The following CCDC183 variants were observed in gnomAD, a reference collection of about 807,000 sequenced individuals.
CCDC183 encodes coiled-coil domain containing 183, also known as coiled-coil domain-containing protein 183.
A neutral mutation model predicts 65.2 loss-of-function variants in CCDC183; 63 were observed. That is an observed-to-expected ratio of 0.97 (90% CI 0.79 to 1.19). The LOEUF is 1.19. CCDC183 is among the 50% of genes most tolerant of loss of function. CCDC183 has a pLI of 0.00. For missense variants in CCDC183, 769 were observed against 689.3 expected, an observed-to-expected ratio of 1.12 and a Z score of -1.30; for synonymous variants, 323 against 276.5, an observed-to-expected ratio of 1.17 and a Z score of -1.67.
rs901956114 is a variant in CCDC183, at chr9:136,806,064, C to T, written c.949-14C>T. The T allele has an allele frequency of 6.5e-7, 1 of 1,547,592 alleles. No homozygotes were observed. Among genetic ancestry groups the T allele is most frequent in the Non-Finnish European group, 8.7e-7 (1 of 1,146,194 alleles). The stretch of plus-strand genomic sequence containing the variant: ...CTGGCCCACACCTGCTTCTCTCTCC[C>T]CCGGACTGGCCAGGACATCACTAGC... On this transcript the variant is annotated splice_polypyrimidine_tract_variant and intron_variant, in intron 9 of 13. Transcript: ENST00000338005.
Position 136,800,463 on chromosome 9 carries a change from G to C in CCDC183, c.513G>C (p.Leu171=). ...KIITSQNIHL[L]YLDLLDYLKT... ...TCACCAGCCAGAACATCCACCTGCTGTATTTGGACCTGCTGGATTATCTGA... is the reference window on the plus strand; with the variant it reads ...TCACCAGCCAGAACATCCACCTGCTCTATTTGGACCTGCTGGATTATCTGA... Residue 171 remains leucine, a synonymous_variant, in exon 5 of 14, where the codon CTG becomes CTC. Coordinates refer to ENST00000338005, the MANE Select transcript of CCDC183 (RefSeq NM_001039374.5). 6.2e-7 allele frequency: 1 copy of C among 1,611,542 alleles called. No homozygotes were observed. The highest frequency in any genetic ancestry group is 1.7e-4 in the Middle Eastern group (1 of 6,058).
At chr9:136,805,214 G>A (rs1847820775) in intron 8 of CCDC183, 143 bp from the exon 9 acceptor site, 7 of 667,980 alleles carry the variant, frequency 1.0e-5, no homozygotes, top group African/African-American at 1.8e-5. Context: ...GCAGGTTGGG[G>A]CGGGGGCAGG....
rs994957261 is a variant in CCDC183, at chr9:136,806,701, C to A, written c.1278+29C>A. ...CCGGGAGTGAGGCTGAGCTGCCACA[C>A]ACCAGGTCCCTGGGCAGGGCCAGAG... On this transcript the variant is annotated intron_variant, in intron 11 of 13. Transcript: ENST00000338005. 2.5e-6 allele frequency: 4 copies of A among 1,613,272 alleles called. No individual in the cohort carries two copies. The South Asian group carries it at 4.4e-5, about 18-fold the overall frequency.
intron 8 of CCDC183, 69 bp from the exon 9 acceptor site, chr9:136,805,288 C>CT: frequency 7.6e-7 from 1 of 1,322,424 alleles, no homozygotes; most frequent in Non-Finnish European, 1.1e-6. Context: ...ACAGAGGTGT[C>CT]TGACAGCCTT....
At position 136,806,839 on chromosome 9, in the gene CCDC183, G is replaced by C; in HGVS notation, c.1361G>C (p.Arg454Thr). Residue 454 changes from arginine (R) to threonine (T), a missense_variant, in exon 12 of 14, where the codon AGA becomes ACA. Coordinates refer to ENST00000338005, the MANE Select transcript of CCDC183 (RefSeq NM_001039374.5). ...GGGAAGCTCACGTACCTGGCTGACA[G>C]AGTGCAGATGGTGTCCAGGACCGAG... is the stretch of plus-strand genomic sequence containing the variant. ...CEGKLTYLAD[R>T]VQMVSRTEEG... 1.2e-6 allele frequency: 2 copies of C among 1,613,602 alleles called. No individual in the cohort carries two copies. Among genetic ancestry groups the C allele is most frequent in the East Asian group, 2.2e-5 (1 of 44,878 alleles).
chr9:136,796,492 T>G, intron 1 of CCDC183, 25 bp downstream of exon 1: 1 of 1,537,010 alleles, frequency 6.5e-7, no homozygotes, highest in Non-Finnish European at 8.8e-7. Flanking sequence ...CCGTGACCAG[T>G]CTCCCTTTCC....
At chr9:136,799,302 C>A in intron 2 of CCDC183, 79 bp downstream of exon 2, 1 of 1,501,406 alleles carries the variant, frequency 6.7e-7, no homozygotes. Flanking sequence ...GGGCGGGCAC[C>A]TCCTCTCCAC....
chr9:136,807,283 G>A (rs1056143514), intron 13 of CCDC183: 7 of 643,030 alleles, frequency 1.1e-5, no homozygotes, highest in South Asian at 9.6e-5. Context: ...TCCGAAAGGA[G>A]GAGGCATGCC....
chr9:136,797,454 T>TTA (rs1847664813), intron 1 of CCDC183, among the ~76,000 whole-genome samples: 1 of 147,948 alleles, frequency 6.8e-6, no homozygotes, highest in African/African-American at 2.5e-5. Flanking sequence ...TTTTTTTTTT[T>TTA]ATGAGATGGA....
chr9:136,806,167 G>A lies in CCDC183; in HGVS notation c.1038G>A (p.Leu346=), dbSNP rs1178229194. ...ACTGTGAGGAGTGGCGGGTGCAGCT[G>A]AAGGCCCTGGTGAAGCAGCTGGAGC... ...MEDCEEWRVQ[L]KALVKQLELE... Residue 346 remains leucine (L), a synonymous_variant, in exon 10 of 14, where the codon CTG becomes CTA. Coordinates refer to ENST00000338005, the MANE Select transcript of CCDC183 (RefSeq NM_001039374.5). 1 of 1,553,192 alleles carries A rather than the reference G, an allele frequency of 6.4e-7. No homozygotes were observed. The highest frequency in any genetic ancestry group is 8.7e-7 in the Non-Finnish European group (1 of 1,147,966).
At position 136,804,146 on chromosome 9, in the gene CCDC183, G is replaced by A; in HGVS notation, c.667-356G>A. On this transcript the variant is annotated intron_variant, in intron 6 of 13. Coordinates refer to ENST00000338005, the MANE Select transcript of CCDC183 (RefSeq NM_001039374.5). This position sits in a 1 kb window ranked among gnomAD's most constrained non-coding sequence, Gnocchi z 4.1. ...GGGTTAGCAGATGACGGTTTTAGCT[G>A]CCCAAGGGCACGCTGGAAGAGGCCA... The A allele has an allele frequency of 3.7e-6, 1 of 270,296 alleles. No homozygotes were observed. Among genetic ancestry groups the A allele is most frequent in the Non-Finnish European group, 7.3e-6 (1 of 136,602 alleles). 16.7% of individuals were successfully genotyped at this position (270,296 alleles called of 1,614,324 possible). A position where few individuals can be genotyped will look rare whatever the true frequency, so the allele number is the denominator to read the frequency against.
intron 9 of CCDC183, 108 bp from the exon 10 acceptor site, chr9:136,805,966 CAGAG>C: frequency 1.2e-6 from 1 of 839,824 alleles, no homozygotes; most frequent in Non-Finnish European, 1.8e-6. Flanking sequence ...TGAATGAGCA[CAGAG>C]AAAGTGCACT....
intron 5 of CCDC183, among the ~76,000 whole-genome samples, chr9:136,801,890 C>A (rs780956743): frequency 6.6e-6 from 1 of 151,826 alleles, no homozygotes; most frequent in African/African-American, 2.4e-5. Context: ...CGGGTTCAAG[C>A]GATTCTCCTG....
rs767140084 is a variant in CCDC183 at position 136,804,606 on chromosome 9, G to A, written c.771G>A (p.Glu257=). The A allele has an allele frequency of 8.7e-6, 14 of 1,613,640 alleles. No homozygotes were observed. The highest frequency in any genetic ancestry group is 1.3e-5 in the African/African-American group (1 of 74,930). ...TGATCGACAAGATCCACACGAAGGA[G>A]ACCAGCGAGAAGTACCGCCGGGTAA... ...KKLIDKIHTK[E]TSEKYRRGQM... Residue 257 remains glutamate, a synonymous_variant, in exon 7 of 14, where the codon GAG becomes GAA. Transcript: ENST00000338005. The surrounding 1 kb of genome is among the most constrained non-coding windows in gnomAD (Gnocchi z 4.1).
In CCDC183 at chr9:136,800,081, G is replaced by A. The variant is rs1402051378; in HGVS notation, c.350G>A (p.Arg117His). The A allele has an allele frequency of 2.5e-6, 4 of 1,570,842 alleles. No homozygotes were observed. The highest frequency in any genetic ancestry group is 1.3e-5 in the African/African-American group (1 of 74,196). ...HNLLIHLVRR[R>H]GQKLESMQLE... ...CTACTGATCCACCTGGTGCGGCGGC[G>A]CGGGCAGAAGCTGGAGAGCATGCAG... is the stretch of plus-strand genomic sequence containing the variant. The change falls in exon 4 of 14, where the codon CGC (arginine) becomes CAC (histidine). Residue 117 changes from arginine to histidine, a missense_variant. Physicochemically the swap from Arg to His is conservative, Grantham distance 29. Transcript: ENST00000338005.
chr9:136,804,882 C>T lies in CCDC183; in HGVS notation c.847+66C>T. 1 of 1,418,640 alleles carries T rather than the reference C, an allele frequency of 7.0e-7. No homozygotes were observed. The highest frequency in any genetic ancestry group is 2.3e-5 in the East Asian group (1 of 43,806). The allele number at this position is 1,418,640 out of a possible 1,614,324, so 87.9% of individuals were successfully genotyped here. ...AAGGAGAGGCTGGCACTGATTCAGG[C>T]CAACGGATCAAGTCACCCTGAGGCC... On this transcript the variant is annotated intron_variant, in intron 8 of 13. Transcript: ENST00000338005. This position sits in a 1 kb window ranked among gnomAD's most constrained non-coding sequence, Gnocchi z 4.1.
Position 136,804,844 on chromosome 9 carries a change from C to A in CCDC183, c.847+28C>A. 1 of 1,604,670 alleles carries A rather than the reference C, an allele frequency of 6.2e-7. No individual in the cohort carries two copies. Among genetic ancestry groups the A allele is most frequent in the Non-Finnish European group, 8.5e-7 (1 of 1,171,954 alleles). On this transcript the variant is annotated intron_variant, in intron 8 of 13. Coordinates refer to ENST00000338005, the MANE Select transcript of CCDC183 (RefSeq NM_001039374.5). The surrounding 1 kb of genome is among the most constrained non-coding windows in gnomAD (Gnocchi z 4.1). The stretch of plus-strand genomic sequence containing the variant: ...AAGCGCTCAGCTCCCCACCTGCCCC[C>A]AGCCAGGGTCCCAAGGAGAGGCTGG...
chr9:136,797,219 A>G (rs1410521316), intron 1 of CCDC183, among the ~76,000 whole-genome samples: 2 of 152,180 alleles, frequency 1.3e-5, no homozygotes, highest in African/African-American at 4.8e-5. Flanking sequence ...TGGGCATAGT[A>G]CCTTTCCTTG....
At chr9:136,802,257 CA>C (rs1478845876) in intron 5 of CCDC183, among the ~76,000 whole-genome samples, 1 of 152,172 alleles carries the variant, frequency 6.6e-6, no homozygotes, top group Non-Finnish European at 1.5e-5. Flanking sequence ...GTAACTTTCC[CA>C]ATGTCACACA....
Sources: allele counts gnomAD v4.1 joint callset (sites outside exome capture counted in the v4.1 genomes callset), GRCh38; gene constraint gnomAD v4.1.1; non-coding constraint Gnocchi (gnomAD v3.1); transcripts MANE v1.5; gene names NCBI Gene and HGNC (gene_info 2026-07-23, HGNC 2026-07-21).